ATG5: variants seen among roughly 807,000 people sequenced by gnomAD.
ATG5 encodes the protein autophagy related 5.
In ATG5, 14 loss-of-function variants were observed where a neutral mutation model predicts 36.5. The observed-to-expected ratio is 0.38, with a 90% CI of 0.25 to 0.60. ATG5 has a LOEUF of 0.60. Among genes scored for constraint, ATG5 ranks in the 20% least tolerant of loss-of-function variants. The pLI, the probability that ATG5 is intolerant of heterozygous loss-of-function variation, is 0.60. For missense variants in ATG5, 195 were observed against 326.7 expected (o/e 0.60, Z 3.11); for synonymous variants, 95 against 101.5 (o/e 0.94, Z 0.38).
intron 6 of ATG5, among the ~76,000 whole-genome samples, chr6:106,232,112 A>C (rs1410955379): frequency 2.0e-5 from 3 of 152,308 alleles, no homozygotes; most frequent in Admixed American, 1.3e-4. Context: ...AGCAGGACTG[A>C]GAGTGCCCGG....
chr6:106,242,062 G>T (rs979201075), intron 6 of ATG5, among the ~76,000 whole-genome samples: 1 of 152,008 alleles, frequency 6.6e-6, no homozygotes, highest in African/African-American at 2.4e-5. Context: ...GCAAAATGTG[G>T]TATGTATATA....
intron 3 of ATG5, among the ~76,000 whole-genome samples, chr6:106,303,578 C>T (rs961906259): frequency 3.3e-5 from 5 of 152,148 alleles, no homozygotes; most frequent in African/African-American, 1.2e-4. Flanking sequence ...CCGTATAACC[C>T]TAATGCTAAA....
At chr6:106,286,296 G>A (rs1223461524) in intron 4 of ATG5, among the ~76,000 whole-genome samples, 5 of 150,602 alleles carry the variant, frequency 3.3e-5, no homozygotes, top group East Asian at 2.0e-4. Context: ...TCAGGCAACC[G>A]TTCCAAAGCA....
At chr6:106,225,337 G>A (rs776102074) in intron 6 of ATG5, among the ~76,000 whole-genome samples, 18 of 151,910 alleles carry the variant, frequency 1.2e-4, no homozygotes, top group Non-Finnish European at 4.4e-5. Flanking sequence ...GAAAACCTAT[G>A]TAGATAAAAA....
At chr6:106,309,645 CT>C (rs1240200925) in intron 2 of ATG5, among the ~76,000 whole-genome samples, 13 of 152,196 alleles carry the variant, frequency 8.5e-5, no homozygotes, top group African/African-American at 2.9e-4. Flanking sequence ...ATTATCGCCC[CT>C]GTTTTAAATA....
At chr6:106,317,610 C>T (rs1448106589) in intron 1 of ATG5, among the ~76,000 whole-genome samples, 2 of 152,128 alleles carry the variant, frequency 1.3e-5, no homozygotes, top group African/African-American at 2.4e-5. Context: ...CAGCATACTA[C>T]TAGTGTTTTA....
chr6:106,305,676 C>T (rs1582679435), intron 3 of ATG5, among the ~76,000 whole-genome samples: 1 of 152,208 alleles, frequency 6.6e-6, no homozygotes, highest in East Asian at 1.9e-4. Flanking sequence ...GCTTCTCTAT[C>T]CTTAAGACAC....
intron 5 of ATG5, among the ~76,000 whole-genome samples, chr6:106,257,631 A>G (rs1324779702): frequency 6.6e-6 from 1 of 152,186 alleles, no homozygotes; most frequent in East Asian, 1.9e-4. Context: ...CTGTGAACTC[A>G]TTTCCTCATT....
At chr6:106,188,415 TTATCTC>T (rs1775851749) in intron 7 of ATG5, among the ~76,000 whole-genome samples, 1 of 152,212 alleles carries the variant, frequency 6.6e-6, no homozygotes, top group Admixed American at 6.5e-5. Context: ...TAAAAGTTCC[TTATCTC>T]TAAAGTTTTT....
chr6:106,243,180 C>T (rs1292426865), intron 6 of ATG5, among the ~76,000 whole-genome samples: 2 of 152,122 alleles, frequency 1.3e-5, no homozygotes, highest in Non-Finnish European at 2.9e-5. Flanking sequence ...CCAAAATAGC[C>T]AGTAAACCTC....
rs558960397 is a variant in ATG5, at chr6:106,229,431, AGAGAG to A, written c.573+18714_573+18718del. Among the ~76,000 whole-genome samples the A allele has an allele frequency of 6.7e-3, 1,026 of 152,144 alleles. 14 individuals carry two copies. Among genetic ancestry groups the A allele is most frequent in the African/African-American group, 0.024 (999 of 41,498 alleles). On this transcript the variant is annotated intron_variant, in intron 6 of 7. Transcript: ENST00000369076. ...GACAGAGACAGAGAGAGAGAGAGAC[AGAGAG>A]GAGAGAGAGAGAGACAGGGAGGACA...
chr6:106,302,715 A>C (rs1770267831), intron 3 of ATG5, among the ~76,000 whole-genome samples: 1 of 152,072 alleles, frequency 6.6e-6, no homozygotes, highest in Admixed American at 6.6e-5. Context: ...CAATAGAATC[A>C]AACTAGAAAT....
intron 7 of ATG5, among the ~76,000 whole-genome samples, chr6:106,189,038 C>A (rs1775876237): frequency 6.6e-6 from 1 of 152,114 alleles, no homozygotes; most frequent in South Asian, 2.1e-4. Context: ...AGCATGGTAC[C>A]TGACATATAC....
chr6:106,286,524 C>T (rs977310388), intron 4 of ATG5, among the ~76,000 whole-genome samples: 1 of 152,178 alleles, frequency 6.6e-6, no homozygotes, highest in Non-Finnish European at 1.5e-5. Context: ...TTGCATGACC[C>T]TCCATGATTT....
chr6:106,305,686 C>CT (rs564075250), intron 3 of ATG5, among the ~76,000 whole-genome samples: 290 of 152,318 alleles, frequency 1.9e-3, no homozygotes, highest in Middle Eastern at 0.017. Flanking sequence ...CCTTAAGACA[C>CT]TTGTATGGTC....
intron 4 of ATG5, among the ~76,000 whole-genome samples, chr6:106,280,583 G>C (rs1238617621): frequency 1.3e-5 from 2 of 151,958 alleles, no homozygotes; most frequent in Non-Finnish European, 2.9e-5. Flanking sequence ...ATGATCATTG[G>C]ACATATAGGG....
chr6:106,308,353 A>G lies in ATG5; in HGVS notation c.236+11T>C. 6.5e-7 allele frequency: 1 copy of G among 1,548,432 alleles called. No individual in the cohort carries two copies. The highest frequency in any genetic ancestry group is 8.7e-7 in the Non-Finnish European group (1 of 1,153,882). ...TACTTAATGCTTAATAATGCAGAAA[A>G]ATTCACTCACCATTTCAGTGGTGTG... On this transcript the variant is annotated intron_variant, in intron 3 of 7. Coordinates refer to ENST00000369076, the MANE Select transcript of ATG5 (RefSeq NM_004849.4).
At chr6:106,284,553 T>C (rs1046020794) in intron 4 of ATG5, among the ~76,000 whole-genome samples, 7 of 150,014 alleles carry the variant, frequency 4.7e-5, no homozygotes, top group Non-Finnish European at 7.4e-5. Context: ...TGAGTTCTCG[T>C]TATGTTGACC....
At chr6:106,317,701 C>A (rs1256939790) in intron 1 of ATG5, among the ~76,000 whole-genome samples, 1 of 152,190 alleles carries the variant, frequency 6.6e-6, no homozygotes, top group Admixed American at 6.5e-5. Flanking sequence ...TCATTCCACA[C>A]TGATAGGCTA....
Sources: gnomAD v4.1 joint callset for allele counts (sites outside exome capture counted in the v4.1 genomes callset) on GRCh38, gnomAD v4.1.1 for gene constraint, MANE v1.5 for transcripts, NCBI Gene and HGNC (gene_info 2026-07-23, HGNC 2026-07-21) for gene names.